WDR72: variants seen among roughly 807,000 people sequenced by gnomAD.
The protein encoded by WDR72 is WD repeat-containing protein 72.
In WDR72, 120 loss-of-function variants were observed where a neutral mutation model predicts 124.2. The ratio of observed to expected loss-of-function variants is 0.97; its 90% CI spans 0.83 to 1.12. The LOEUF (loss-of-function observed/expected upper bound fraction) is 1.12. WDR72 is among the 50% of genes most tolerant of loss of function. The pLI is 0.00. For missense variants in WDR72, 1,387 were observed against 1,278.8 expected (o/e 1.08, Z -1.29); for synonymous variants, 452 against 441.7 (o/e 1.02, Z -0.29).
At chr15:53,743,866 T>C (rs1325381027) in intron 1 of WDR72, among the ~76,000 whole-genome samples, 1 of 151,920 alleles carries the variant, frequency 6.6e-6, no homozygotes, top group Non-Finnish European at 1.5e-5. Flanking sequence ...TCCCAGCTAC[T>C]TGGGAGGCTG....
chr15:53,616,933 A>G (rs1158571414), intron 14 of WDR72, among the ~76,000 whole-genome samples: 1 of 151,882 alleles, frequency 6.6e-6, no homozygotes, highest in South Asian at 2.1e-4. Context: ...TGAAAAATTT[A>G]TTTCTTTATT....
In WDR72 at chr15:53,523,330, AAG is replaced by A. The variant is rs57737580; in HGVS notation, c.3149-10_3149-9del. The A allele has an allele frequency of 0.09, 119,230 of 1,325,828 alleles. 37 individuals are homozygous for A. Among genetic ancestry groups the A allele is most frequent in the East Asian group, 0.23 (6,763 of 29,316 alleles). 82.1% of individuals were successfully genotyped at this position (1,325,828 alleles called of 1,614,324 possible). A position where few individuals can be genotyped will look rare whatever the true frequency, so the allele number is the denominator to read the frequency against. The stretch of plus-strand genomic sequence containing the variant: ...TGACCGGGCTGACTGGAGCTATTAA[AAG>A]AGAGAGAGAGAGAGAGAGAGACAGA... On this transcript the variant is annotated splice_polypyrimidine_tract_variant and intron_variant, in intron 18 of 19. Coordinates refer to ENST00000360509, the MANE Select transcript of WDR72 (RefSeq NM_182758.4).
intron 14 of WDR72, among the ~76,000 whole-genome samples, chr15:53,628,120 A>C (rs755310594): frequency 6.6e-6 from 1 of 152,188 alleles, no homozygotes; most frequent in African/African-American, 2.4e-5. Flanking sequence ...GCTATGTACA[A>C]TTGAAGAATT....
At chr15:53,718,616 T>A (rs2017779464) in intron 3 of WDR72, among the ~76,000 whole-genome samples, 2 of 151,970 alleles carry the variant, frequency 1.3e-5, no homozygotes, top group Admixed American at 1.3e-4. Context: ...ACCATATAAG[T>A]TACATAGGTA....
At chr15:53,563,403 TTAAAA>T (rs541190906) in intron 18 of WDR72, among the ~76,000 whole-genome samples, 44 of 151,974 alleles carry the variant, frequency 2.9e-4, no homozygotes, top group Non-Finnish European at 5.6e-4. Context: ...ATTTGAGCTG[TTAAAA>T]TAAAGGAAAG....
At chr15:53,567,181 T>A (rs1196336796) in intron 18 of WDR72, among the ~76,000 whole-genome samples, 1 of 151,984 alleles carries the variant, frequency 6.6e-6, no homozygotes, top group African/African-American at 2.4e-5. Flanking sequence ...GTCCAACATG[T>A]GTTGGGAAAT....
At position 53,515,484 on chromosome 15, in the gene WDR72, C is replaced by T. The variant is rs542885153; in HGVS notation, c.*2215G>A. On this transcript the variant is annotated 3_prime_UTR_variant, in exon 20 of 20. Transcript: ENST00000360509. ...TGAATTTGTGTCATAAACACACTTG[C>T]GTATGGATATTAGGAGAGCATTGCT... is the stretch of plus-strand genomic sequence containing the variant. 2.3e-4 allele frequency: 35 copies of T among 152,172 alleles called. No homozygotes were observed. The highest frequency in any genetic ancestry group is 7.5e-4 in the African/African-American group (31 of 41,544). 9.4% of individuals were successfully genotyped at this position (152,172 alleles called of 1,614,324 possible).
At chr15:53,626,414 G>T (rs2014210377) in intron 14 of WDR72, among the ~76,000 whole-genome samples, 5 of 152,196 alleles carry the variant, frequency 3.3e-5, no homozygotes, top group Admixed American at 6.5e-5. Flanking sequence ...GAGCACAGCG[G>T]ACACCCTGCC....
At chr15:53,646,285 T>C (rs1255239689) in intron 14 of WDR72, among the ~76,000 whole-genome samples, 1 of 152,184 alleles carries the variant, frequency 6.6e-6, no homozygotes, top group African/African-American at 2.4e-5. Context: ...TTTGAAATTT[T>C]TATTTTTATA....
At chr15:53,603,756 C>G (rs899305367) in intron 17 of WDR72, among the ~76,000 whole-genome samples, 2 of 152,032 alleles carry the variant, frequency 1.3e-5, no homozygotes, top group Non-Finnish European at 2.9e-5. Context: ...AATAAAACAC[C>G]TAGGAATACA....
At chr15:53,570,261 C>CTT (rs1894463352) in intron 18 of WDR72, among the ~76,000 whole-genome samples, 2 of 76,432 alleles carry the variant, frequency 2.6e-5, no homozygotes. Flanking sequence ...CCTCATATAC[C>CTT]ATTTTTTTTT....
At position 53,521,640 on chromosome 15, in the gene WDR72, C is replaced by T. The variant is rs185496494; in HGVS notation, c.3253+1578G>A. Among the ~76,000 whole-genome samples the T allele has an allele frequency of 7.9e-5, 12 of 152,060 alleles. No homozygotes were observed. The East Asian group carries it at 1.6e-3, about 20-fold the overall frequency. On this transcript the variant is annotated intron_variant, in intron 19 of 19. Coordinates refer to ENST00000360509, the MANE Select transcript of WDR72 (RefSeq NM_182758.4). ...GATAGAGAATGTTATATTTGAATCT[C>T]GCTCCCATTCCATTCATATTAAGGG...
intron 13 of WDR72, among the ~76,000 whole-genome samples, chr15:53,666,939 C>T (rs1256683547): frequency 1.3e-5 from 2 of 152,196 alleles, no homozygotes; most frequent in Non-Finnish European, 2.9e-5. Flanking sequence ...GGCAAAACTT[C>T]AGTCTCGAGT....
At chr15:53,647,093 C>A (rs983017917) in intron 14 of WDR72, among the ~76,000 whole-genome samples, 1 of 151,968 alleles carries the variant, frequency 6.6e-6, no homozygotes, top group Non-Finnish European at 1.5e-5. Context: ...TGTGAAAAAT[C>A]AGAATTATTT....
At chr15:53,570,262 ATTTT>A (rs34458553) in intron 18 of WDR72, among the ~76,000 whole-genome samples, 1 of 146,494 alleles carries the variant, frequency 6.8e-6, no homozygotes. Context: ...CTCATATACC[ATTTT>A]TTTTTTTTTG....
chr15:53,606,883 T>C (rs2013308599), intron 17 of WDR72, among the ~76,000 whole-genome samples: 1 of 152,144 alleles, frequency 6.6e-6, no homozygotes. Context: ...AAAAATCACA[T>C]GCATATTTGC....
rs557023917 is a variant in WDR72, at chr15:53,639,511, T to C, written c.1963-23268A>G. On this transcript the variant is annotated intron_variant, in intron 14 of 19. Transcript: ENST00000360509. The stretch of plus-strand genomic sequence containing the variant: ...AATTTTATTTATTTATAAAATTATA[T>C]ATAATTTTATTTATTTATAAAATTA... 9.4e-3 allele frequency among the ~76,000 whole-genome samples: 1,378 copies of C among 146,898 alleles called. 31 individuals carry two copies. Among genetic ancestry groups the C allele is most frequent in the African/African-American group, 0.033 (1,328 of 40,600 alleles).
At chr15:53,559,679 G>A (rs1481650617) in intron 18 of WDR72, among the ~76,000 whole-genome samples, 1 of 151,968 alleles carries the variant, frequency 6.6e-6, no homozygotes, top group Non-Finnish European at 1.5e-5. Context: ...AGCCACAGTA[G>A]GCGGCCATAA....
At chr15:53,711,559 A>G in intron 7 of WDR72, 78 bp from the exon 8 acceptor site, 2 of 1,452,968 alleles carry the variant, frequency 1.4e-6, no homozygotes, top group Non-Finnish European at 1.9e-6. Flanking sequence ...TTATGATAGT[A>G]ATAATATAAC....
Sources: gnomAD v4.1 joint callset for allele counts (sites outside exome capture counted in the v4.1 genomes callset) on GRCh38, gnomAD v4.1.1 for gene constraint, MANE v1.5 for transcripts, NCBI Gene and HGNC (gene_info 2026-07-23, HGNC 2026-07-21) for gene names.